The following TLK2 variants were observed in gnomAD, a reference collection of about 807,000 sequenced individuals.
The protein encoded by TLK2 is tousled like kinase 2.
Under a neutral mutation model 117.3 loss-of-function variants are expected in TLK2, and 6 were observed. That is an observed-to-expected ratio of 0.05 (90% CI 0.03 to 0.10). TLK2 has a LOEUF of 0.10. TLK2 is among the 10% of genes least tolerant of loss of function. The pLI, the probability that TLK2 is intolerant of heterozygous loss-of-function variation, is 1.00. For synonymous variants in TLK2, 257 were observed against 316.7 expected (o/e 0.81, Z 2.00); for missense variants, 299 against 901.2 (o/e 0.33, Z 8.56).
chr17:62,542,349 C>T (rs1356506488), intron 7 of TLK2, among the ~76,000 whole-genome samples: 1 of 152,194 alleles, frequency 6.6e-6, no homozygotes, highest in African/African-American at 2.4e-5. Flanking sequence ...TTGAACCATC[C>T]TCCTACCTTG....
chr17:62,573,390 C>T (rs746739779), intron 12 of TLK2, 23 bp downstream of exon 12: 13 of 1,609,694 alleles, frequency 8.1e-6, no homozygotes, highest in Non-Finnish European at 1.0e-5. Context: ...TTGACGTGAA[C>T]GCTGAGACAC....
chr17:62,516,522 G>A (rs1201178965), intron 2 of TLK2: 6 of 1,608,488 alleles, frequency 3.7e-6, no homozygotes. Context: ...GCAGATGAAG[G>A]TAATCACGGA....
rs142563789 is a variant in TLK2 at position 62,545,476 on chromosome 17, G to A, written c.532-6826G>A. ...TAAAAATAAATATTACATTAGCCAG[G>A]CATGGTGGTGTGCACCTGTAATCCC... On this transcript the variant is annotated intron_variant, in intron 7 of 21. Transcript: ENST00000346027. Among the ~76,000 whole-genome samples the A allele has an allele frequency of 2.2e-3, 341 of 152,074 alleles. 2 individuals carry two copies. Among genetic ancestry groups the A allele is most frequent in the African/African-American group, 7.5e-3 (310 of 41,482 alleles).
intron 2 of TLK2, among the ~76,000 whole-genome samples, chr17:62,507,135 G>A (rs1307393770): frequency 4.6e-5 from 7 of 151,674 alleles, no homozygotes; most frequent in East Asian, 1.9e-4. Context: ...TTGGCGGGGC[G>A]CGCTGAGTCA....
At position 62,574,367 on chromosome 17, in the gene TLK2, C is replaced by A. The variant is rs868537751; in HGVS notation, c.1121+1000C>A. ...TAGGCCCTCTTCTGGGAATACAGAG[C>A]TAAAGGATACAGCCCCAGCCTTAGG... On this transcript the variant is annotated intron_variant, in intron 12 of 21. Coordinates refer to ENST00000346027, the MANE Select transcript of TLK2 (RefSeq NM_006852.6). 1.9e-6 allele frequency: 3 copies of A among 1,544,850 alleles called. No homozygotes were observed. In the Middle Eastern group the frequency reaches 5.0e-4, roughly 258 times the overall value.
At chr17:62,543,999 T>G (rs1211577794) in intron 7 of TLK2, among the ~76,000 whole-genome samples, 1 of 152,224 alleles carries the variant, frequency 6.6e-6, no homozygotes, top group East Asian at 1.9e-4. Context: ...TTGTGTTAAT[T>G]TTTGTGTGTG....
chr17:62,497,527 T>TGAAA (rs2073819322), intron 2 of TLK2, among the ~76,000 whole-genome samples: 1 of 152,174 alleles, frequency 6.6e-6, no homozygotes, highest in South Asian at 2.1e-4. Flanking sequence ...AAAAGGCTTT[T>TGAAA]TCCCCCATTA....
Position 62,615,330 on chromosome 17 carries a change from C to T in TLK2, c.*2765C>T, listed in dbSNP as rs894293622. On this transcript the variant is annotated 3_prime_UTR_variant, in exon 22 of 22. Coordinates refer to ENST00000346027, the MANE Select transcript of TLK2 (RefSeq NM_006852.6). ...TTGTTAATATGGGTTTCACTTTTTC[C>T]AAGAATAGTCCCTTGTTGCCACAAT... 1 of 152,036 alleles carries T rather than the reference C, an allele frequency of 6.6e-6. No homozygotes were observed. Among genetic ancestry groups the T allele is most frequent in the Admixed American group, 6.6e-5 (1 of 15,266 alleles). 9.4% of individuals were successfully genotyped at this position (152,036 alleles called of 1,614,324 possible). A position where few individuals can be genotyped will look rare whatever the true frequency, so the allele number is the denominator to read the frequency against.
At position 62,572,976 on chromosome 17, in the gene TLK2, TTCCTGTCCAC is replaced by T. The variant is rs2080433593; in HGVS notation, c.969-236_969-227del. ...TCACAATAGAAATTTGATATGTTCC[TTCCTGTCCAC>T]TCTGAAAATAGTAATAACTAGTGTC... is the stretch of plus-strand genomic sequence containing the variant. On this transcript the variant is annotated intron_variant, in intron 11 of 21. Coordinates refer to ENST00000346027, the MANE Select transcript of TLK2 (RefSeq NM_006852.6). 4.2e-5 allele frequency: 18 copies of T among 427,878 alleles called. No homozygotes were observed. The South Asian group carries it at 5.8e-4, about 14-fold the overall frequency. The allele number at this position is 427,878 out of a possible 1,614,324, so 26.5% of individuals were successfully genotyped here. A position where few individuals can be genotyped will look rare whatever the true frequency, so the allele number is the denominator to read the frequency against.
At chr17:62,554,967 A>ATT (rs138425395) in intron 9 of TLK2, among the ~76,000 whole-genome samples, 1 of 148,530 alleles carries the variant, frequency 6.7e-6, no homozygotes, top group African/African-American at 2.5e-5. Flanking sequence ...CATTTGGTAC[A>ATT]TTTTTTTTTT....
At chr17:62,578,306 T>C (rs1193326903) in intron 13 of TLK2, among the ~76,000 whole-genome samples, 171 bp from the exon 14 acceptor site, 1 of 152,088 alleles carries the variant, frequency 6.6e-6, no homozygotes, top group Non-Finnish European at 1.5e-5. Context: ...TTGAATTTTA[T>C]TATTTTCTAT....
In TLK2 at chr17:62,471,576, C is replaced by T. The variant is rs1266178538; in HGVS notation, c.-205+498C>T. Among the ~76,000 whole-genome samples the T allele has an allele frequency of 2.6e-5, 4 of 152,178 alleles. No individual in the cohort carries two copies. The East Asian group carries it at 7.7e-4, about 29-fold the overall frequency. On this transcript the variant is annotated intron_variant, in intron 1 of 4. Transcript: ENST00000579450. ...CTCCTCTCATTCATCTGGCCAACCTCAGAACATAAAGTTTATTGATGCAAA... is the reference window on the plus strand; with the variant it reads ...CTCCTCTCATTCATCTGGCCAACCTTAGAACATAAAGTTTATTGATGCAAA...
chr17:62,531,950 G>A (rs951541641), intron 6 of TLK2, among the ~76,000 whole-genome samples: 6 of 152,134 alleles, frequency 3.9e-5, no homozygotes, highest in African/African-American at 7.2e-5. Context: ...GCTTGAAGTG[G>A]GAAGGGTTTC....
chr17:62,512,907 T>C (rs1203045677), intron 2 of TLK2, among the ~76,000 whole-genome samples: 1 of 133,710 alleles, frequency 7.5e-6, no homozygotes, highest in Non-Finnish European at 1.6e-5. Flanking sequence ...AGACGAAGTT[T>C]CGCTCTCGTT....
chr17:62,546,344 G>GTTTTTTTTTGTTTTTTTT (rs2077923185), intron 7 of TLK2, among the ~76,000 whole-genome samples: 1 of 23,346 alleles, frequency 4.3e-5, no homozygotes, highest in Non-Finnish European at 9.6e-5. Context: ...TTTGTTGATT[G>GTTTTTTTTTGTTTTTTTT]TTTTTTTTTT....
intron 7 of TLK2, among the ~76,000 whole-genome samples, chr17:62,547,843 C>CA (rs145261676): frequency 0.043 from 6,593 of 152,230 alleles, 151 homozygotes; most frequent in Middle Eastern, 0.11. Flanking sequence ...GATCTCTATC[C>CA]AGCACAGACA....
chr17:62,497,317 C>G (rs1358788636), intron 2 of TLK2, among the ~76,000 whole-genome samples: 1 of 152,130 alleles, frequency 6.6e-6, no homozygotes, highest in Non-Finnish European at 1.5e-5. Flanking sequence ...AAACCACTGA[C>G]TTATAGTTAG....
intron 11 of TLK2, among the ~76,000 whole-genome samples, chr17:62,571,827 G>A (rs762671684): frequency 6.6e-6 from 1 of 152,152 alleles, no homozygotes; most frequent in Non-Finnish European, 1.5e-5. Flanking sequence ...TGACAGCAAT[G>A]TTCAGGGAAG....
At chr17:62,593,414 T>A (rs1002219915) in intron 16 of TLK2, among the ~76,000 whole-genome samples, 7 of 152,252 alleles carry the variant, frequency 4.6e-5, no homozygotes, top group African/African-American at 7.2e-5. Context: ...TGCCTTTTTT[T>A]AACCTTTTTG....
Sources: gnomAD v4.1 joint callset for allele counts (sites outside exome capture counted in the v4.1 genomes callset) on GRCh38, gnomAD v4.1.1 for gene constraint, MANE v1.5 for transcripts, NCBI Gene and HGNC (gene_info 2026-07-23, HGNC 2026-07-21) for gene names.